Variants in LIMA1 observed in about 807,000 individuals in gnomAD.
LIMA1 encodes the protein LIM domain and actin-binding protein 1.
In LIMA1, 52 loss-of-function variants were observed where a neutral mutation model predicts 62.6. That is an observed-to-expected ratio of 0.83 (90% CI 0.67 to 1.05). The LOEUF is 1.05. Among genes scored for constraint, LIMA1 ranks in the 50% least tolerant of loss-of-function variants. LIMA1 has a pLI of 0.00. For missense variants in LIMA1, 780 were observed against 902.2 expected (o/e 0.86, Z 1.74); for synonymous variants, 302 against 317.8 (o/e 0.95, Z 0.53).
At chr12:50,197,057 T>C (rs1054935344) in intron 7 of LIMA1, among the ~76,000 whole-genome samples, 35 of 151,416 alleles carry the variant, frequency 2.3e-4, no homozygotes, top group Non-Finnish European at 4.6e-4. Context: ...ACCTTGAACC[T>C]GTGAGGTAAT....
intron 9 of LIMA1, chr12:50,187,429 A>G (rs1940655674): frequency 6.6e-6 from 1 of 152,178 alleles, no homozygotes; most frequent in East Asian, 1.9e-4. Context: ...GAAATTCTTC[A>G]CCACACAGCA....
chr12:50,278,291 G>A (rs776978273), intron 1 of LIMA1, among the ~76,000 whole-genome samples: 10 of 152,034 alleles, frequency 6.6e-5, no homozygotes, highest in Non-Finnish European at 1.3e-4. Context: ...GTGTGGTGGC[G>A]GGCACCTGTA....
At chr12:50,210,840 T>C (rs569487250) in intron 4 of LIMA1, among the ~76,000 whole-genome samples, 2 of 152,310 alleles carry the variant, frequency 1.3e-5, no homozygotes, top group East Asian at 3.9e-4. Context: ...AAAAAGTACA[T>C]GAACAAAGCC....
In LIMA1 at chr12:50,262,558, A is replaced by T. The variant is rs549294301; in HGVS notation, c.-23-13784T>A. Reference sequence around the variant, plus strand: ...GGAGGCTGAGGAGACAGGACCGCTTAAGGTCAGAAGTTCCAGACCAGCCTA... The same window carrying T: ...GGAGGCTGAGGAGACAGGACCGCTTTAGGTCAGAAGTTCCAGACCAGCCTA... On this transcript the variant is annotated intron_variant, in intron 1 of 10. Transcript: ENST00000341247. 1.2e-4 allele frequency among the ~76,000 whole-genome samples: 18 copies of T among 152,180 alleles called. No homozygotes were observed. The South Asian group carries it at 3.7e-3, about 32-fold the overall frequency.
chr12:50,266,532 G>T (rs1164231594), intron 1 of LIMA1, among the ~76,000 whole-genome samples: 1 of 152,122 alleles, frequency 6.6e-6, no homozygotes, highest in African/African-American at 2.4e-5. Flanking sequence ...AGGCCCCTGT[G>T]GATGATCATG....
At chr12:50,262,491 AG>A (rs1942083617) in intron 1 of LIMA1, among the ~76,000 whole-genome samples, 1 of 152,070 alleles carries the variant, frequency 6.6e-6, no homozygotes, top group South Asian at 2.1e-4. Flanking sequence ...AAAGGGTTTA[AG>A]GCTGGGCACA....
At chr12:50,195,728 C>T (rs1185534511) in intron 8 of LIMA1, 102 bp downstream of exon 8, 5 of 1,138,036 alleles carry the variant, frequency 4.4e-6, no homozygotes, top group African/African-American at 3.2e-5. Flanking sequence ...AGAGGATTTA[C>T]TATGTTATTT....
chr12:50,241,565 A>T (rs1941776481), intron 2 of LIMA1, among the ~76,000 whole-genome samples: 1 of 152,206 alleles, frequency 6.6e-6, no homozygotes, highest in Non-Finnish European at 1.5e-5. Context: ...TATACACCAA[A>T]GGCTGTCTTT....
chr12:50,210,694 CG>C (rs1565842197), intron 4 of LIMA1, among the ~76,000 whole-genome samples: 5 of 152,128 alleles, frequency 3.3e-5, no homozygotes, highest in Non-Finnish European at 7.4e-5. Flanking sequence ...TGGTTTTAAA[CG>C]CATAAAATTT....
chr12:50,182,928 G>A (rs919117372), intron 9 of LIMA1, among the ~76,000 whole-genome samples: 7 of 152,210 alleles, frequency 4.6e-5, no homozygotes, highest in South Asian at 2.1e-4. Context: ...CATGGGCCAG[G>A]TGCGGTGGCT....
At chr12:50,210,787 C>T (rs897009064) in intron 4 of LIMA1, among the ~76,000 whole-genome samples, 14 of 152,068 alleles carry the variant, frequency 9.2e-5, no homozygotes, top group Admixed American at 6.6e-5. Context: ...CCTTTTGCTC[C>T]ATGGGGGTAT....
intron 1 of LIMA1, among the ~76,000 whole-genome samples, chr12:50,263,845 T>G (rs1380375557): frequency 0.017 from 1,810 of 104,314 alleles, 50 homozygotes; most frequent in African/African-American, 0.071. Context: ...TATATATATA[T>G]ATATATAGAG....
intron 8 of LIMA1, among the ~76,000 whole-genome samples, chr12:50,195,142 G>A (rs928814855): frequency 5.3e-5 from 8 of 152,016 alleles, no homozygotes; most frequent in Non-Finnish European, 1.0e-4. Flanking sequence ...GTTTGAGGCT[G>A]CAGTGAGCTA....
chr12:50,247,628 T>TATTATC (rs1555209677), intron 2 of LIMA1, among the ~76,000 whole-genome samples: 1 of 148,236 alleles, frequency 6.7e-6, no homozygotes, highest in Non-Finnish European at 1.5e-5. Context: ...TTATTATTAT[T>TATTATC]ATTATTATTA....
At chr12:50,258,032 T>C (rs1592560529) in intron 1 of LIMA1, among the ~76,000 whole-genome samples, 1 of 152,238 alleles carries the variant, frequency 6.6e-6, no homozygotes, top group Non-Finnish European at 1.5e-5. Flanking sequence ...TTCTCTCAAC[T>C]TGCCCTGTTT....
intron 3 of LIMA1, among the ~76,000 whole-genome samples, chr12:50,223,717 A>T (rs79838317): frequency 0.023 from 3,499 of 152,266 alleles, 129 homozygotes; most frequent in African/African-American, 0.08. Flanking sequence ...CTGTTGTTCC[A>T]TAATAGAGGA....
intron 1 of LIMA1, among the ~76,000 whole-genome samples, chr12:50,263,076 G>A (rs1432697005): frequency 2.0e-5 from 3 of 152,052 alleles, no homozygotes; most frequent in South Asian, 2.1e-4. Flanking sequence ...CTGTCCAGAC[G>A]GCACAAAATC....
chr12:50,239,310 C>G (rs1941739911), intron 2 of LIMA1, among the ~76,000 whole-genome samples: 2 of 152,104 alleles, frequency 1.3e-5, no homozygotes, highest in African/African-American at 4.8e-5. Flanking sequence ...ATTAATTAGC[C>G]TGATTTGATA....
chr12:50,207,609 C>T (rs1941176718), intron 4 of LIMA1, among the ~76,000 whole-genome samples: 1 of 152,130 alleles, frequency 6.6e-6, no homozygotes, highest in Admixed American at 6.6e-5. Flanking sequence ...GGAAGTGAGA[C>T]TGGGCATGGT....
Sources: gnomAD v4.1 joint callset for allele counts (sites outside exome capture counted in the v4.1 genomes callset) on GRCh38, gnomAD v4.1.1 for gene constraint, MANE v1.5 for transcripts, NCBI Gene and HGNC (gene_info 2026-07-23, HGNC 2026-07-21) for gene names.